The following PTPRD variants were observed in gnomAD, a reference collection of about 807,000 sequenced individuals.
PTPRD encodes receptor-type tyrosine-protein phosphatase delta.
A neutral mutation model predicts 214.5 loss-of-function variants in PTPRD; 34 were observed. That is an observed-to-expected ratio of 0.16 (90% CI 0.12 to 0.21). The LOEUF is 0.21. Among genes scored for constraint, PTPRD ranks in the 10% least tolerant of loss-of-function variants. The probability of loss-of-function intolerance (pLI) is 1.00; values close to 1 mark genes in which losing one functional copy is unlikely to be tolerated. For missense variants in PTPRD, 2,545 were observed against 2,398.7 expected, an observed-to-expected ratio of 1.06 and a Z score of -1.27; for synonymous variants, 1,128 against 845.7, an observed-to-expected ratio of 1.33 and a Z score of -5.79.
chr9:9,048,576 C>A (rs1347675298), intron 10 of PTPRD, among the ~76,000 whole-genome samples: 5 of 152,092 alleles, frequency 3.3e-5, no homozygotes, highest in Non-Finnish European at 7.4e-5. Flanking sequence ...ATCGTATGTT[C>A]TCACTTATTT....
At chr9:9,754,384 G>A (rs959099183) in intron 6 of PTPRD, among the ~76,000 whole-genome samples, 1 of 151,990 alleles carries the variant, frequency 6.6e-6, no homozygotes, top group African/African-American at 2.4e-5. Context: ...TACTGTTCAA[G>A]GAGCAAGGAG....
At chr9:8,987,325 C>A (rs1244980955) in intron 11 of PTPRD, among the ~76,000 whole-genome samples, 3 of 151,984 alleles carry the variant, frequency 2.0e-5, no homozygotes, top group African/African-American at 7.2e-5. Flanking sequence ...TTCAGGATTT[C>A]GGCTTTCTTA....
chr9:8,523,482 A>G (rs747740101), intron 19 of PTPRD, 31 bp downstream of exon 19: 1 of 1,610,418 alleles, frequency 6.2e-7, no homozygotes, highest in Non-Finnish European at 8.5e-7. Flanking sequence ...ATAGTTTTGT[A>G]AGGTGGGTAA....
intron 3 of PTPRD, among the ~76,000 whole-genome samples, chr9:10,097,838 C>T (rs186902967): frequency 2.6e-5 from 4 of 151,854 alleles, no homozygotes; most frequent in African/African-American, 9.6e-5. Context: ...GGAATGCTTC[C>T]AGCTTTTGTC....
At chr9:10,476,400 G>C (rs2099062842) in intron 2 of PTPRD, among the ~76,000 whole-genome samples, 1 of 151,946 alleles carries the variant, frequency 6.6e-6, no homozygotes, top group African/African-American at 2.4e-5. Flanking sequence ...ACAAAGAGGA[G>C]AATAAAATAC....
At chr9:9,221,261 T>C (rs1249400374) in intron 9 of PTPRD, among the ~76,000 whole-genome samples, 3 of 152,130 alleles carry the variant, frequency 2.0e-5, no homozygotes, top group Non-Finnish European at 4.4e-5. Context: ...TCAATGATGA[T>C]GCATGACATG....
intron 11 of PTPRD, among the ~76,000 whole-genome samples, chr9:8,941,533 C>T (rs943973181): frequency 6.6e-6 from 1 of 152,064 alleles, no homozygotes; most frequent in Non-Finnish European, 1.5e-5. Context: ...CACTTAATAG[C>T]CTACTTTCCT....
chr9:8,764,732 T>C (rs958815446), intron 11 of PTPRD, among the ~76,000 whole-genome samples: 2 of 151,606 alleles, frequency 1.3e-5, no homozygotes, highest in African/African-American at 4.9e-5. Context: ...GAGCTGGAGG[T>C]TGCAGTGAGC....
chr9:9,561,895 ATGTATAC>A (rs1274082187), intron 8 of PTPRD, among the ~76,000 whole-genome samples: 2 of 152,056 alleles, frequency 1.3e-5, no homozygotes, highest in African/African-American at 4.8e-5. Context: ...TTTTCTCTCT[ATGTATAC>A]ATGCTGCTTT....
chr9:10,306,967 T>C (rs1310564046), intron 3 of PTPRD, among the ~76,000 whole-genome samples: 1 of 152,156 alleles, frequency 6.6e-6, no homozygotes, highest in Non-Finnish European at 1.5e-5. Flanking sequence ...AAAGTGTTTA[T>C]GGGGTACATG....
intron 3 of PTPRD, among the ~76,000 whole-genome samples, chr9:10,224,279 G>C (rs573995486): frequency 6.2e-4 from 94 of 151,720 alleles, no homozygotes; most frequent in African/African-American, 2.0e-3. Flanking sequence ...GCGCAGATTA[G>C]TCAAATAAAG....
chr9:8,405,475 G>C (rs1270934215), intron 35 of PTPRD, among the ~76,000 whole-genome samples: 1 of 151,704 alleles, frequency 6.6e-6, no homozygotes, highest in Non-Finnish European at 1.5e-5. Flanking sequence ...CATCAAACAG[G>C]TATATAAAGT....
chr9:9,198,616 A>G (rs576843043), intron 9 of PTPRD, among the ~76,000 whole-genome samples: 2 of 152,288 alleles, frequency 1.3e-5, no homozygotes, highest in South Asian at 2.1e-4. Context: ...TGGCATTTCA[A>G]TGTGCTGGAT....
intron 36 of PTPRD, among the ~76,000 whole-genome samples, chr9:8,403,141 C>G (rs912308083): frequency 2.6e-5 from 4 of 152,074 alleles, no homozygotes; most frequent in Non-Finnish European, 5.9e-5. Flanking sequence ...GTTTCACTTT[C>G]AAATAAATTT....
At chr9:8,856,134 T>C (rs974140962) in intron 11 of PTPRD, among the ~76,000 whole-genome samples, 1 of 152,180 alleles carries the variant, frequency 6.6e-6, no homozygotes, top group African/African-American at 2.4e-5. Context: ...AAGCAGAATA[T>C]ATGTTCAAAG....
intron 11 of PTPRD, among the ~76,000 whole-genome samples, chr9:8,913,315 G>A (rs759720396): frequency 3.3e-5 from 5 of 152,026 alleles, no homozygotes; most frequent in Admixed American, 6.6e-5. Context: ...CCTTGCCTTT[G>A]GAGTTACTAT....
intron 3 of PTPRD, among the ~76,000 whole-genome samples, chr9:10,179,242 T>A (rs1219899301): frequency 6.6e-6 from 1 of 151,960 alleles, no homozygotes; most frequent in African/African-American, 2.4e-5. Context: ...AATGCTTTTT[T>A]CAGCTTAAAA....
At chr9:9,778,307 T>C (rs866595910) in intron 5 of PTPRD, among the ~76,000 whole-genome samples, 1 of 152,096 alleles carries the variant, frequency 6.6e-6, no homozygotes, top group Non-Finnish European at 1.5e-5. Flanking sequence ...TCTGTGGACC[T>C]CTAGGATCCT....
intron 14 of PTPRD, among the ~76,000 whole-genome samples, chr9:8,582,225 T>C (rs1006411253): frequency 7.2e-5 from 11 of 152,134 alleles, no homozygotes; most frequent in African/African-American, 2.7e-4. Context: ...TATGCATCCA[T>C]GTAGAATAAC....
Sources: gnomAD v4.1 joint callset for allele counts (sites outside exome capture counted in the v4.1 genomes callset) on GRCh38, gnomAD v4.1.1 for gene constraint, MANE v1.5 for transcripts, NCBI Gene and HGNC (gene_info 2026-07-23, HGNC 2026-07-21) for gene names.